The following BCL11A variants were observed in gnomAD, a reference collection of about 807,000 sequenced individuals.
The protein encoded by BCL11A is B cell CLL/lymphoma 11A.
A neutral mutation model predicts 55.9 loss-of-function variants in BCL11A; 2 were observed. The ratio of observed to expected loss-of-function variants is 0.04; its 90% confidence interval spans 0.01 to 0.11. The LOEUF is 0.11. Among genes scored for constraint, BCL11A ranks in the 10% least tolerant of loss-of-function variants. BCL11A has a pLI of 1.00. For synonymous variants in BCL11A, 465 were observed against 473.4 expected (o/e 0.98, Z 0.23); for missense variants, 817 against 1,137.1 (o/e 0.72, Z 4.05).
rs770777547 is a variant in BCL11A at position 60,461,316 on chromosome 2, C to G, written c.1596G>C (p.Ala532=). 4.4e-6 allele frequency: 7 copies of G among 1,599,576 alleles called. No individual in the cohort carries two copies. The highest frequency in any genetic ancestry group is 5.9e-6 in the Non-Finnish European group (7 of 1,177,892). ...ARHHENSSRG[A]VVGVGDESRA... ...GGCTCTCGTCGCCCACGCCCACGAC[C>G]GCGCCCCGCGAGCTGTTCTCGTGGT... Residue 532 remains alanine (A), a synonymous_variant, in exon 4 of 4, where the codon GCG becomes GCC. Transcript: ENST00000642384.
At chr2:60,519,713 C>T (rs1394443059) in intron 2 of BCL11A, among the ~76,000 whole-genome samples, 1 of 152,204 alleles carries the variant, frequency 6.6e-6, no homozygotes, top group East Asian at 1.9e-4. Flanking sequence ...TCTGTTCTGA[C>T]ACATGCAGCT....
chr2:60,467,681 ATGGTGG>A (rs1328408838), intron 3 of BCL11A, among the ~76,000 whole-genome samples: 1 of 38,178 alleles, frequency 2.6e-5, no homozygotes, highest in Non-Finnish European at 5.0e-5. Flanking sequence ...GGTGATGGTG[ATGGTGG>A]TGGTGGTGGT....
chr2:60,467,633 G>A (rs1162292748), intron 3 of BCL11A, among the ~76,000 whole-genome samples: 2 of 94,004 alleles, frequency 2.1e-5, no homozygotes, highest in Non-Finnish European at 4.5e-5. Flanking sequence ...GGTAATGGTG[G>A]TGGTGGTGAT....
chr2:60,508,337 G>A (rs1296188826), intron 2 of BCL11A, among the ~76,000 whole-genome samples: 1 of 152,164 alleles, frequency 6.6e-6, no homozygotes, highest in African/African-American at 2.4e-5. Context: ...TCCTGGGTGT[G>A]CAGAATTACA....
chr2:60,527,064 C>T (rs1377837991), intron 2 of BCL11A: 2 of 152,188 alleles, frequency 1.3e-5, no homozygotes, highest in Non-Finnish European at 2.9e-5. Flanking sequence ...TCTCACCATT[C>T]GATATTTATT....
rs768664219 is a variant in BCL11A at position 60,462,030 on chromosome 2, C to G, written c.882G>C (p.Pro294=). 3 of 1,610,594 alleles carry G rather than the reference C, an allele frequency of 1.9e-6. No individual in the cohort carries two copies. Among genetic ancestry groups the G allele is most frequent in the Admixed American group, 1.7e-5 (1 of 59,782 alleles). The part of the protein sequence containing the change: ...AEEMALATHH[P]SAFDRVLRLN... Reference sequence around the variant, plus strand: ...ACCGCAGCACCCTGTCAAAGGCACTCGGGTGATGGGTGGCCAGGGCCATCT... The same window carrying G: ...ACCGCAGCACCCTGTCAAAGGCACTGGGGTGATGGGTGGCCAGGGCCATCT... The change falls in exon 4 of 4, where the codon CCG becomes CCC. Residue 294 remains proline, a synonymous_variant. Transcript: ENST00000642384.
intron 2 of BCL11A, chr2:60,541,743 G>C (rs964320134): frequency 4.4e-5 from 23 of 524,390 alleles, no homozygotes; most frequent in Middle Eastern, 5.0e-4. Context: ...TTTTGTGGTA[G>C]TGGTGTTTTT....
At chr2:60,515,230 T>C (rs191613043) in intron 2 of BCL11A, among the ~76,000 whole-genome samples, 202 of 152,208 alleles carry the variant, frequency 1.3e-3, no homozygotes, top group African/African-American at 4.4e-3. Context: ...CCCCAGCACT[T>C]TCACTTTTTC....
intron 2 of BCL11A, chr2:60,542,973 T>G (rs988864235): frequency 1.4e-5 from 2 of 141,018 alleles, no homozygotes; most frequent in Admixed American, 1.6e-4. Context: ...GAGGTTGCAG[T>G]GAGCCAAAAT....
chr2:60,488,701 C>G (rs1320194116), intron 2 of BCL11A, among the ~76,000 whole-genome samples: 2 of 152,148 alleles, frequency 1.3e-5, no homozygotes, highest in African/African-American at 4.8e-5. Context: ...GCCAAAGATC[C>G]AAAAACAGCC....
At chr2:60,553,824 G>A (rs1298258641), upstream of BCL11A, 6 of 42,626 alleles carry the variant, frequency 1.4e-4, no homozygotes, top group South Asian at 2.9e-3. Context: ...GCCAGACGCG[G>A]CCCCCGGGGG....
chr2:60,552,611 G>A (rs1048352617), intron 1 of BCL11A, among the ~76,000 whole-genome samples: 1 of 152,214 alleles, frequency 6.6e-6, no homozygotes, highest in Non-Finnish European at 1.5e-5. Context: ...AGGAGCGCCG[G>A]GGGCCCCTTT....
At chr2:60,529,257 G>A (rs916352703) in intron 2 of BCL11A, among the ~76,000 whole-genome samples, 4 of 152,174 alleles carry the variant, frequency 2.6e-5, no homozygotes, top group African/African-American at 9.7e-5. Flanking sequence ...TTTGTGACAT[G>A]TTTTACCATG....
intron 2 of BCL11A, among the ~76,000 whole-genome samples, chr2:60,510,996 C>T (rs1191505445): frequency 6.6e-6 from 1 of 152,232 alleles, no homozygotes; most frequent in Admixed American, 6.5e-5. Context: ...GGGCTGAGAG[C>T]CTGGGGAAGA....
intron 2 of BCL11A, among the ~76,000 whole-genome samples, chr2:60,523,620 T>A (rs530858462): frequency 7.2e-5 from 11 of 152,082 alleles, no homozygotes; most frequent in Non-Finnish European, 1.6e-4. Flanking sequence ...ATATGCTTTA[T>A]CTTATGATGA....
At position 60,462,246 on chromosome 2, in the gene BCL11A, A is replaced by G; in HGVS notation, c.666T>C (p.Pro222=). The G allele has an allele frequency of 6.2e-7, 1 of 1,613,876 alleles. No individual in the cohort carries two copies. Among genetic ancestry groups the G allele is most frequent in the South Asian group, 1.1e-5 (1 of 91,060 alleles). The change falls in exon 4 of 4, where the codon CCT becomes CCC. Residue 222 remains proline (P), a synonymous_variant. Coordinates refer to ENST00000642384, the MANE Select transcript of BCL11A (RefSeq NM_022893.4). ...GIPSGLGAEC[P]SQPPLHGIHI... ...GAATCCCATGGAGAGGTGGCTGGGA[A>G]GGACATTCTGCACCTAGTCCTGAAG...
intron 2 of BCL11A, among the ~76,000 whole-genome samples, chr2:60,512,039 C>T (rs1279632307): frequency 6.6e-6 from 1 of 152,204 alleles, no homozygotes; most frequent in East Asian, 1.9e-4. Flanking sequence ...CCAGGAAATA[C>T]AAGTGTCACA....
At chr2:60,515,915 G>A (rs45578136) in intron 2 of BCL11A, among the ~76,000 whole-genome samples, 1,831 of 152,290 alleles carry the variant, frequency 0.012, 17 homozygotes, top group Non-Finnish European at 0.017. Flanking sequence ...AAGTCAATTC[G>A]AGAAAGATCC....
intron 2 of BCL11A, among the ~76,000 whole-genome samples, chr2:60,538,755 G>C (rs1669786035): frequency 1.3e-5 from 2 of 151,020 alleles, no homozygotes; most frequent in South Asian, 2.1e-4. Flanking sequence ...GTGTGTGTGT[G>C]TGTGTGTGTG....
Sources: gnomAD v4.1 joint callset for allele counts (sites outside exome capture counted in the v4.1 genomes callset) on GRCh38, gnomAD v4.1.1 for gene constraint, MANE v1.5 for transcripts, NCBI Gene and HGNC (gene_info 2026-07-23, HGNC 2026-07-21) for gene names.